PTPRD: variants seen among roughly 807,000 people sequenced by gnomAD.
PTPRD encodes receptor-type tyrosine-protein phosphatase delta.
A neutral mutation model predicts 214.5 loss-of-function variants in PTPRD; 34 were observed. That is an observed-to-expected ratio of 0.16 (90% CI 0.12 to 0.21). PTPRD has a LOEUF of 0.21. Among genes scored for constraint, PTPRD ranks in the 10% least tolerant of loss-of-function variants. The pLI is 1.00. For missense variants in PTPRD, 2,545 were observed against 2,398.7 expected (o/e 1.06, Z -1.27); for synonymous variants, 1,128 against 845.7 (o/e 1.33, Z -5.79).
chr9:10,087,139 T>TC (rs1458462555), intron 3 of PTPRD, among the ~76,000 whole-genome samples: 1 of 81,104 alleles, frequency 1.2e-5, no homozygotes, highest in Non-Finnish European at 2.7e-5. Flanking sequence ...GTTTTAGAGT[T>TC]TTTTTTTTTT....
intron 9 of PTPRD, among the ~76,000 whole-genome samples, chr9:9,251,066 T>C (rs1228096808): frequency 6.6e-6 from 1 of 152,038 alleles, no homozygotes; most frequent in African/African-American, 2.4e-5. Flanking sequence ...TTTCATTCTT[T>C]ATACCACTTT....
chr9:8,723,332 A>T (rs1310697632), intron 12 of PTPRD, among the ~76,000 whole-genome samples: 1 of 152,116 alleles, frequency 6.6e-6, no homozygotes, highest in Admixed American at 6.5e-5. Context: ...ATGACAAACC[A>T]AACCAAGACC....
chr9:10,040,971 T>A (rs2097286810), intron 3 of PTPRD, among the ~76,000 whole-genome samples: 2 of 152,102 alleles, frequency 1.3e-5, no homozygotes, highest in South Asian at 4.1e-4. Flanking sequence ...TCACAATTTC[T>A]ATTTGTTGTT....
chr9:9,395,190 A>C (rs7865809), intron 9 of PTPRD, among the ~76,000 whole-genome samples: 39,572 of 150,708 alleles, frequency 0.26, 5,193 homozygotes, highest in Middle Eastern at 0.3. Flanking sequence ...CATGAAACAA[A>C]AAAAAAAAAA....
chr9:8,651,191 A>T (rs2096799582), intron 12 of PTPRD, among the ~76,000 whole-genome samples: 1 of 152,126 alleles, frequency 6.6e-6, no homozygotes, highest in African/African-American at 2.4e-5. Flanking sequence ...CGTTCTGCAG[A>T]TGTCTCCCCA....
intron 9 of PTPRD, among the ~76,000 whole-genome samples, chr9:9,215,910 A>C (rs2099951885): frequency 6.6e-6 from 1 of 152,172 alleles, no homozygotes; most frequent in Non-Finnish European, 1.5e-5. Context: ...GTAAATGGAC[A>C]AGTACTGTAC....
At chr9:9,420,084 C>A (rs146367780) in intron 8 of PTPRD, among the ~76,000 whole-genome samples, 5,482 of 132,158 alleles carry the variant, frequency 0.041, 146 homozygotes, top group Middle Eastern at 0.078. Flanking sequence ...TTAAAATGCA[C>A]ATAGTGTAAT....
chr9:8,794,312 C>T (rs569438445), intron 11 of PTPRD, among the ~76,000 whole-genome samples: 2 of 152,082 alleles, frequency 1.3e-5, no homozygotes, highest in Non-Finnish European at 2.9e-5. Flanking sequence ...ACTGAAGAAC[C>T]AGAGGATATG....
intron 11 of PTPRD, among the ~76,000 whole-genome samples, chr9:8,768,695 C>A (rs1249450294): frequency 6.6e-6 from 1 of 151,980 alleles, no homozygotes; most frequent in Non-Finnish European, 1.5e-5. Flanking sequence ...TTTATTTTTC[C>A]CATAAAACTT....
chr9:10,412,928 A>G (rs2098452293), intron 2 of PTPRD, among the ~76,000 whole-genome samples: 1 of 151,980 alleles, frequency 6.6e-6, no homozygotes, highest in Non-Finnish European at 1.5e-5. Context: ...CATGTTAAAA[A>G]TTCTCAATAA....
intron 2 of PTPRD, among the ~76,000 whole-genome samples, chr9:10,346,847 C>T (rs1250769177): frequency 1.3e-5 from 2 of 152,128 alleles, no homozygotes; most frequent in South Asian, 2.1e-4. Context: ...TGTCATAGGC[C>T]TTACAGCAAG....
At chr9:9,528,207 C>T (rs74343448) in intron 8 of PTPRD, among the ~76,000 whole-genome samples, 4,842 of 152,204 alleles carry the variant, frequency 0.032, 267 homozygotes, top group African/African-American at 0.11. Flanking sequence ...CCAAGCCTTT[C>T]ACTGAGCAAT....
chr9:8,852,012 C>T (rs1337984773), intron 11 of PTPRD, among the ~76,000 whole-genome samples: 2 of 151,522 alleles, frequency 1.3e-5, no homozygotes, highest in African/African-American at 4.9e-5. Flanking sequence ...GAAATCATTA[C>T]TAATACAACC....
At chr9:8,709,466 G>T (rs1056239323) in intron 12 of PTPRD, among the ~76,000 whole-genome samples, 1 of 135,246 alleles carries the variant, frequency 7.4e-6, no homozygotes, top group Non-Finnish European at 1.5e-5. Flanking sequence ...AGTGAGCCAA[G>T]ATCACATCAC....
chr9:9,926,297 G>T (rs1171329495), intron 5 of PTPRD, among the ~76,000 whole-genome samples: 1 of 151,972 alleles, frequency 6.6e-6, no homozygotes, highest in African/African-American at 2.4e-5. Context: ...AGAATTGCTG[G>T]GAAACAGTAC....
chr9:10,145,800 C>T (rs1200266990), intron 3 of PTPRD, among the ~76,000 whole-genome samples: 1 of 151,788 alleles, frequency 6.6e-6, no homozygotes, highest in Non-Finnish European at 1.5e-5. Context: ...ATATGATATG[C>T]TTTACTTTAC....
intron 10 of PTPRD, among the ~76,000 whole-genome samples, chr9:9,110,111 A>T (rs917254544): frequency 6.6e-6 from 1 of 152,060 alleles, no homozygotes; most frequent in African/African-American, 2.4e-5. Flanking sequence ...GAAGAAAAGG[A>T]ATCGTATTGT....
At chr9:9,037,896 C>G (rs2099627023) in intron 10 of PTPRD, among the ~76,000 whole-genome samples, 1 of 152,134 alleles carries the variant, frequency 6.6e-6, no homozygotes, top group African/African-American at 2.4e-5. Flanking sequence ...ACTTGGGAAG[C>G]AGGAATGTGT....
chr9:9,634,266 C>T (rs1425508144), intron 7 of PTPRD, among the ~76,000 whole-genome samples: 2 of 152,120 alleles, frequency 1.3e-5, no homozygotes, highest in South Asian at 2.1e-4. Context: ...TACCTAAAAA[C>T]ACCTAATGTG....
Sources: gnomAD v4.1 joint callset for allele counts (sites outside exome capture counted in the v4.1 genomes callset) on GRCh38, gnomAD v4.1.1 for gene constraint, MANE v1.5 for transcripts, NCBI Gene and HGNC (gene_info 2026-07-23, HGNC 2026-07-21) for gene names.